The following PIK3C2G variants were observed in gnomAD, a reference collection of about 807,000 sequenced individuals.
PIK3C2G encodes phosphatidylinositol-4-phosphate 3-kinase catalytic subunit type 2 gamma.
Under a neutral mutation model 181.1 loss-of-function variants are expected in PIK3C2G, and 168 were observed. The ratio of observed to expected loss-of-function variants is 0.93; its 90% CI spans 0.82 to 1.05. The LOEUF is 1.05. PIK3C2G is among the 50% of genes least tolerant of loss of function. The pLI, the probability that PIK3C2G is intolerant of heterozygous loss-of-function variation, is 0.00. For missense variants in PIK3C2G, 1,869 were observed against 1,732.8 expected, an observed-to-expected ratio of 1.08 and a Z score of -1.40; for synonymous variants, 573 against 592.2, an observed-to-expected ratio of 0.97 and a Z score of 0.47.
chr12:18,289,301 G>T (rs1012508155), intron 3 of PIK3C2G, among the ~76,000 whole-genome samples: 1 of 152,116 alleles, frequency 6.6e-6, no homozygotes, highest in African/African-American at 2.4e-5. Context: ...AACAAATATG[G>T]TAACATGCCA....
chr12:18,686,340 A>G, the PIK3C2G span, among the ~76,000 whole-genome samples: 1 of 152,046 alleles, frequency 6.6e-6, no homozygotes, highest in African/African-American at 2.4e-5. Flanking sequence ...AGAAAAAAGA[A>G]AGTTCCTGAC....
At chr12:18,410,237 C>A (rs145217343) in intron 16 of PIK3C2G, among the ~76,000 whole-genome samples, 1 of 152,160 alleles carries the variant, frequency 6.6e-6, no homozygotes, top group Non-Finnish European at 1.5e-5. Context: ...TAGTGGCTCA[C>A]GCCTATAATC....
chr12:18,287,765 G>A (rs1382982096), intron 3 of PIK3C2G, among the ~76,000 whole-genome samples: 1 of 152,020 alleles, frequency 6.6e-6, no homozygotes, highest in East Asian at 1.9e-4. Context: ...TTGGGAGGCT[G>A]AGGCAGGACA....
intron 30 of PIK3C2G, among the ~76,000 whole-genome samples, chr12:18,597,741 A>G (rs1947455644): frequency 6.6e-6 from 1 of 151,970 alleles, no homozygotes; most frequent in Non-Finnish European, 1.5e-5. Context: ...TTGTATATCT[A>G]GAAAACCCCA....
chr12:18,455,176 CAGA>C, intron 18 of PIK3C2G, among the ~76,000 whole-genome samples: 1 of 152,262 alleles, frequency 6.6e-6, no homozygotes, highest in South Asian at 2.1e-4. Context: ...AACCTAATCA[CAGA>C]AGATCACTAT....
intron 13 of PIK3C2G, among the ~76,000 whole-genome samples, chr12:18,374,860 G>C (rs1021436086): frequency 6.6e-6 from 1 of 152,126 alleles, no homozygotes; most frequent in Non-Finnish European, 1.5e-5. Context: ...TTATCACCAT[G>C]TGAGACACCT....
At chr12:18,505,777 T>C (rs1183511555) in intron 24 of PIK3C2G, among the ~76,000 whole-genome samples, 1 of 152,210 alleles carries the variant, frequency 6.6e-6, no homozygotes, top group Non-Finnish European at 1.5e-5. Context: ...CAATGAGGTA[T>C]GAATTGATGA....
At chr12:18,267,378 A>C (rs1267600580) in intron 1 of PIK3C2G, among the ~76,000 whole-genome samples, 3 of 151,816 alleles carry the variant, frequency 2.0e-5, no homozygotes, top group Non-Finnish European at 4.4e-5. Flanking sequence ...TATAGATCAC[A>C]TATAACTACT....
intron 5 of PIK3C2G, among the ~76,000 whole-genome samples, chr12:18,303,060 C>CT (rs1950242717): frequency 6.6e-6 from 1 of 151,192 alleles, no homozygotes; most frequent in Non-Finnish European, 1.5e-5. Flanking sequence ...GTAGATGGGC[C>CT]TAACCTATGT....
chr12:18,357,036 C>T (rs1243984771), intron 11 of PIK3C2G, among the ~76,000 whole-genome samples: 3 of 152,068 alleles, frequency 2.0e-5, no homozygotes, highest in African/African-American at 7.2e-5. Flanking sequence ...ATACCAAACT[C>T]TTTCATTCTA....
At chr12:18,403,566 T>A (rs1267477870) in intron 16 of PIK3C2G, among the ~76,000 whole-genome samples, 1 of 152,238 alleles carries the variant, frequency 6.6e-6, no homozygotes, top group Non-Finnish European at 1.5e-5. Context: ...TCTATTTTTT[T>A]AAATGGTTTA....
At chr12:18,662,536 A>C in the PIK3C2G span, among the ~76,000 whole-genome samples, 38 of 152,300 alleles carry the variant, frequency 2.5e-4, 1 homozygote, top group East Asian at 5.4e-3. Context: ...AAAGATCCAC[A>C]GTAAAGGTAA....
intron 26 of PIK3C2G, among the ~76,000 whole-genome samples, chr12:18,557,462 T>C (rs1490352422): frequency 1.3e-5 from 2 of 152,088 alleles, no homozygotes; most frequent in Admixed American, 6.6e-5. Flanking sequence ...TGTAGAACCA[T>C]TCATTTAGGA....
At position 18,525,033 on chromosome 12, in the gene PIK3C2G, CT is replaced by C. The variant is rs1395381816; in HGVS notation, c.3324-13122del. Among the ~76,000 whole-genome samples the C allele has an allele frequency of 3.9e-5, 6 of 152,176 alleles. No individual in the cohort carries two copies. The East Asian group carries it at 1.2e-3, about 29-fold the overall frequency. ...TGAAGTGATGAGAAATTAGTTACAT[CT>C]CTGGGTAATTGTTTTTTCTTTTATT... is the stretch of plus-strand genomic sequence containing the variant. On this transcript the variant is annotated intron_variant, in intron 24 of 32. Transcript: ENST00000538779.
upstream of PIK3C2G, among the ~76,000 whole-genome samples, chr12:18,246,350 C>A (rs1280044898): frequency 6.6e-6 from 1 of 152,106 alleles, no homozygotes; most frequent in African/African-American, 2.4e-5. Context: ...CAAGTGAATC[C>A]ATTTCTCATA....
At chr12:18,604,507 G>A (rs189955258) in intron 30 of PIK3C2G, among the ~76,000 whole-genome samples, 27 of 152,246 alleles carry the variant, frequency 1.8e-4, no homozygotes, top group African/African-American at 6.3e-4. Flanking sequence ...AGTCAACTGA[G>A]AAACAATGAA....
chr12:18,632,962 C>T (rs1949414306), intron 31 of PIK3C2G, among the ~76,000 whole-genome samples: 1 of 151,930 alleles, frequency 6.6e-6, no homozygotes, highest in African/African-American at 2.4e-5. Flanking sequence ...GTCAAGTTGA[C>T]ACATTAAATT....
chr12:18,323,303 C>T (rs561779633), intron 7 of PIK3C2G, among the ~76,000 whole-genome samples: 1 of 152,296 alleles, frequency 6.6e-6, no homozygotes, highest in Non-Finnish European at 1.5e-5. Context: ...TCCCTCCAAT[C>T]CCAGGGCAGT....
At chr12:18,515,003 AT>A (rs1430542858) in intron 24 of PIK3C2G, among the ~76,000 whole-genome samples, 1 of 151,916 alleles carries the variant, frequency 6.6e-6, no homozygotes, top group Non-Finnish European at 1.5e-5. Context: ...CAATTATATG[AT>A]TTGTGTCCTT....
Sources: gnomAD v4.1 joint callset for allele counts (sites outside exome capture counted in the v4.1 genomes callset) on GRCh38, gnomAD v4.1.1 for gene constraint, MANE v1.5 for transcripts, NCBI Gene and HGNC (gene_info 2026-07-23, HGNC 2026-07-21) for gene names.